The following MACROD2 variants were observed in gnomAD, a reference collection of about 807,000 sequenced individuals.
The protein encoded by MACROD2 is ADP-ribose glycohydrolase MACROD2.
In MACROD2, 36 loss-of-function variants were observed where a neutral mutation model predicts 70.4. That is an observed-to-expected ratio of 0.51 (90% CI 0.39 to 0.68). MACROD2 has a LOEUF of 0.68. Ranked by LOEUF, MACROD2 falls within the 30% of genes least tolerant of loss-of-function variation. MACROD2 has a pLI of 0.00. For missense variants in MACROD2, 496 were observed against 538.4 expected (o/e 0.92, Z 0.78); for synonymous variants, 172 against 178.8 (o/e 0.96, Z 0.30).
intron 8 of MACROD2, among the ~76,000 whole-genome samples, chr20:15,741,834 T>C (rs2051110760): frequency 6.6e-6 from 1 of 152,168 alleles, no homozygotes; most frequent in Admixed American, 6.5e-5. Flanking sequence ...TTGCATCTAG[T>C]AGAGGTTCAG....
chr20:14,255,718 T>A (rs1313938277), intron 3 of MACROD2, among the ~76,000 whole-genome samples: 1 of 138,110 alleles, frequency 7.2e-6, no homozygotes, highest in Non-Finnish European at 1.6e-5. Flanking sequence ...AATAAATAAA[T>A]AAATAAAAAA....
At chr20:15,028,625 T>C (rs2075251301) in intron 5 of MACROD2, among the ~76,000 whole-genome samples, 1 of 152,034 alleles carries the variant, frequency 6.6e-6, no homozygotes, top group East Asian at 1.9e-4. Flanking sequence ...GGAAGTTTGT[T>C]AGGTGGAGAA....
At chr20:14,021,445 G>A (rs1043904318) in intron 2 of MACROD2, among the ~76,000 whole-genome samples, 7 of 152,130 alleles carry the variant, frequency 4.6e-5, no homozygotes, top group African/African-American at 1.7e-4. Flanking sequence ...TTTTGTGTTA[G>A]GCTAAATAGA....
At chr20:14,919,560 C>G (rs1197928840) in intron 5 of MACROD2, among the ~76,000 whole-genome samples, 1 of 152,212 alleles carries the variant, frequency 6.6e-6, no homozygotes, top group African/African-American at 2.4e-5. Context: ...GGGCCGTGTT[C>G]TCTTTGTTCC....
intron 8 of MACROD2, among the ~76,000 whole-genome samples, chr20:15,856,688 C>T (rs1568600231): frequency 6.6e-6 from 1 of 152,044 alleles, no homozygotes; most frequent in Non-Finnish European, 1.5e-5. Flanking sequence ...TCATGAGGTT[C>T]CAGTTTAAGA....
rs2064060464 is a variant in MACROD2 at position 15,831,920 on chromosome 20, T to C, written c.646-30825T>C. The stretch of plus-strand genomic sequence containing the variant: ...CTGATTTCATGTGCTGATATGTTTG[T>C]GTTGTTTAGCAAACTCTCACAGAAA... On this transcript the variant is annotated intron_variant, in intron 8 of 17. Coordinates refer to ENST00000684519, the MANE Select transcript of MACROD2 (RefSeq NM_001351661.2). Among the ~76,000 whole-genome samples the C allele has an allele frequency of 2.0e-5, 3 of 152,180 alleles. No individual in the cohort carries two copies. The South Asian group carries it at 6.2e-4, about 32-fold the overall frequency.
chr20:15,494,120 A>G (rs1252355317), intron 7 of MACROD2, among the ~76,000 whole-genome samples: 1 of 152,256 alleles, frequency 6.6e-6, no homozygotes, highest in Non-Finnish European at 1.5e-5. Flanking sequence ...GCTATCTTTA[A>G]TAGCTTGAAA....
chr20:14,987,019 C>A (rs926827502), intron 5 of MACROD2, among the ~76,000 whole-genome samples: 5 of 152,160 alleles, frequency 3.3e-5, no homozygotes, highest in Non-Finnish European at 5.9e-5. Flanking sequence ...GCATCCTTAA[C>A]CTCAGGCAGT....
chr20:15,024,890 A>T (rs2075217987), intron 5 of MACROD2, among the ~76,000 whole-genome samples: 1 of 152,180 alleles, frequency 6.6e-6, no homozygotes, highest in Non-Finnish European at 1.5e-5. Context: ...CCCCTGTCTA[A>T]GGTACCAACC....
intron 3 of MACROD2, among the ~76,000 whole-genome samples, chr20:14,177,869 C>G (rs1481182219): frequency 6.6e-6 from 1 of 151,872 alleles, no homozygotes; most frequent in East Asian, 1.9e-4. Context: ...CACTAGGGAT[C>G]TAAATGTAAA....
intron 4 of MACROD2, among the ~76,000 whole-genome samples, chr20:14,563,112 C>T (rs1600389511): frequency 6.6e-6 from 1 of 151,924 alleles, no homozygotes; most frequent in Admixed American, 6.6e-5. Flanking sequence ...GACCTCAATT[C>T]TGCCCTCACA....
chr20:15,491,837 A>G (rs2047235425), intron 7 of MACROD2, among the ~76,000 whole-genome samples: 1 of 152,234 alleles, frequency 6.6e-6, no homozygotes, highest in Non-Finnish European at 1.5e-5. Flanking sequence ...GCAGCTTGCA[A>G]GGACACAGCA....
At chr20:14,140,678 G>A in intron 3 of MACROD2, among the ~76,000 whole-genome samples, 1 of 152,092 alleles carries the variant, frequency 6.6e-6, no homozygotes, top group Non-Finnish European at 1.5e-5. Context: ...CTCAGCTCCA[G>A]CTGCTGCCGA....
chr20:15,810,602 G>A (rs2063810395), intron 8 of MACROD2, among the ~76,000 whole-genome samples: 1 of 152,012 alleles, frequency 6.6e-6, no homozygotes, highest in African/African-American at 2.4e-5. Context: ...AGTTCATATG[G>A]CACCAAAAAA....
intron 8 of MACROD2, among the ~76,000 whole-genome samples, chr20:15,671,336 A>T (rs1396941352): frequency 1.3e-5 from 2 of 152,182 alleles, no homozygotes; most frequent in Non-Finnish European, 2.9e-5. Context: ...ACATGGCCAG[A>T]TTTAAGAGAT....
intron 4 of MACROD2, among the ~76,000 whole-genome samples, chr20:14,519,399 G>C (rs928009685): frequency 2.0e-5 from 3 of 152,064 alleles, no homozygotes; most frequent in African/African-American, 7.2e-5. Flanking sequence ...GCACAAACTA[G>C]GGGGAAAAGG....
chr20:14,883,976 ATCT>A (rs1253002399), intron 5 of MACROD2, among the ~76,000 whole-genome samples: 5 of 152,176 alleles, frequency 3.3e-5, no homozygotes, highest in Non-Finnish European at 7.4e-5. Flanking sequence ...TGAAAGTATG[ATCT>A]TTAAGTATGT....
chr20:15,483,785 G>A (rs192739609), intron 7 of MACROD2, among the ~76,000 whole-genome samples: 27 of 151,280 alleles, frequency 1.8e-4, no homozygotes, highest in African/African-American at 6.5e-4. Flanking sequence ...TACATATTTT[G>A]TTAGATTTAC....
chr20:14,065,975 A>T (rs2053750969), intron 2 of MACROD2, among the ~76,000 whole-genome samples: 1 of 152,234 alleles, frequency 6.6e-6, no homozygotes, highest in Admixed American at 6.5e-5. Flanking sequence ...CAAGCAACAT[A>T]ACCTCTCAGT....
Sources: allele counts gnomAD v4.1 joint callset (sites outside exome capture counted in the v4.1 genomes callset), GRCh38; gene constraint gnomAD v4.1.1; transcripts MANE v1.5; gene names NCBI Gene and HGNC (gene_info 2026-07-23, HGNC 2026-07-21).